CELSR1: variants seen among roughly 807,000 people sequenced by gnomAD.
CELSR1 encodes cadherin EGF LAG seven-pass G-type receptor 1.
CELSR1 carries 110 observed loss-of-function variants against 249.1 expected under a neutral mutation model. The observed-to-expected ratio is 0.44, with a 90% CI of 0.38 to 0.52. CELSR1 has a LOEUF of 0.52. Among genes scored for constraint, CELSR1 ranks in the 20% least tolerant of loss-of-function variants. The pLI, the probability that CELSR1 is intolerant of heterozygous loss-of-function variation, is 0.00. For missense variants in CELSR1, 4,109 were observed against 4,296.4 expected (o/e 0.96, Z 1.22); for synonymous variants, 2,113 against 1,900.0 (o/e 1.11, Z -2.92).
rs965722098 is a variant in CELSR1, at chr22:46,468,567, G to A, written c.3545-4222C>T. Among the ~76,000 whole-genome samples, 4 of 152,088 alleles carry A rather than the reference G, an allele frequency of 2.6e-5. No individual in the cohort carries two copies. Among genetic ancestry groups the A allele is most frequent in the Non-Finnish European group, 5.9e-5 (4 of 68,032 alleles). Reference sequence around the variant, plus strand: ...TCCCTAGAGGAGTTCGATTCATAGAGGCAGAAAGTAGAATGATGGGTGCCA... The same window carrying A: ...TCCCTAGAGGAGTTCGATTCATAGAAGCAGAAAGTAGAATGATGGGTGCCA... On this transcript the variant is annotated intron_variant, in intron 1 of 34. Transcript: ENST00000674500. This position sits in a 1 kb window ranked among gnomAD's most constrained non-coding sequence, Gnocchi z 4.5.
rs1008469258 is a variant in CELSR1, at chr22:46,500,300, C to T, written c.3544+33327G>A. Among the ~76,000 whole-genome samples the T allele has an allele frequency of 3.3e-5, 5 of 152,186 alleles. No homozygotes were observed. The highest frequency in any genetic ancestry group is 2.9e-5 in the Non-Finnish European group (2 of 68,026). ...AACCCTGGCGCCCGGTTTTCAGCAC[C>T]GCGCTAGGTTTTAACTGCCTGCTGG... On this transcript the variant is annotated intron_variant, in intron 1 of 34. Transcript: ENST00000674500. The surrounding 1 kb of genome is among the most constrained non-coding windows in gnomAD (Gnocchi z 4.9).
Position 46,473,178 on chromosome 22 carries a change from G to A in CELSR1, c.3545-8833C>T, listed in dbSNP as rs1007419505. On this transcript the variant is annotated intron_variant, in intron 1 of 34. Transcript: ENST00000674500. The surrounding 1 kb of genome is among the most constrained non-coding windows in gnomAD (Gnocchi z 6.6). ...CCGCAGAGGGGTGGACAGGACCCAC[G>A]CACCACGAGGAACCATCGCTGGCCC... 2.0e-5 allele frequency among the ~76,000 whole-genome samples: 3 copies of A among 152,142 alleles called. No individual in the cohort carries two copies. The highest frequency in any genetic ancestry group is 1.9e-4 in the East Asian group (1 of 5,190).
intron 2 of CELSR1, among the ~76,000 whole-genome samples, chr22:46,461,704 T>C (rs1350734059): frequency 6.6e-6 from 1 of 152,122 alleles, no homozygotes; most frequent in African/African-American, 2.4e-5. Flanking sequence ...TGGTATACAG[T>C]AGGTACTATC....
intron 25 of CELSR1, chr22:46,370,251 T>C (rs2078837295): frequency 2.4e-6 from 1 of 415,770 alleles, no homozygotes; most frequent in Non-Finnish European, 4.9e-6. Context: ...CAGGGCCATA[T>C]GTGAGCGGGT....
rs2080869199 is a variant in CELSR1, at chr22:46,537,249, C to G, written c.-79G>C. 1 of 1,009,148 alleles carries G rather than the reference C, an allele frequency of 9.9e-7. No individual in the cohort carries two copies. The highest frequency in any genetic ancestry group is 4.5e-5 in the South Asian group (1 of 22,236). The allele number at this position is 1,009,148 out of a possible 1,614,324, so 62.5% of individuals were successfully genotyped here. ...GCGCCTCCGCATCCACCCGGCGAGGCCGGGGAGCGGCTCCCGGGCGCCCGG... is the reference window on the plus strand; with the variant it reads ...GCGCCTCCGCATCCACCCGGCGAGGGCGGGGAGCGGCTCCCGGGCGCCCGG... On this transcript the variant is annotated 5_prime_UTR_variant, in exon 1 of 35. Transcript: ENST00000674500. The surrounding 1 kb of genome is among the most constrained non-coding windows in gnomAD (Gnocchi z 5.8).
chr22:46,519,926 C>T (rs2080668151), intron 1 of CELSR1, among the ~76,000 whole-genome samples: 1 of 148,252 alleles, frequency 6.7e-6, no homozygotes, highest in African/African-American at 2.5e-5. Context: ...GGCTGGAGTG[C>T]AGTGGCGCAA....
intron 1 of CELSR1, among the ~76,000 whole-genome samples, chr22:46,466,050 A>AGGCTACTCAGTTCTGTG (rs1423510253): frequency 6.6e-6 from 1 of 152,160 alleles, no homozygotes; most frequent in Middle Eastern, 3.2e-3. Context: ...GAGCCCTTCG[A>AGGCTACTCAGTTCTGTG]GGCTACTCAG....
rs780507988 is a variant in CELSR1 at position 46,409,914 on chromosome 22, C to T, written c.4934-34G>A. 10 of 1,605,648 alleles carry T rather than the reference C, an allele frequency of 6.2e-6. No individual in the cohort carries two copies. The highest frequency in any genetic ancestry group is 1.1e-5 in the South Asian group (1 of 91,028). On this transcript the variant is annotated intron_variant, in intron 7 of 34. Coordinates refer to ENST00000674500, the MANE Select transcript of CELSR1 (RefSeq NM_001378328.1). The surrounding 1 kb of genome is among the most constrained non-coding windows in gnomAD (Gnocchi z 9.8). The stretch of plus-strand genomic sequence containing the variant: ...ACAGAGCGTGCGGCAGAGCCTGACT[C>T]GGAGGAACCGCCCGGGGTCCCCGGC...
At chr22:46,414,942 C>T (rs2079381999) in intron 5 of CELSR1, among the ~76,000 whole-genome samples, 1 of 152,146 alleles carries the variant, frequency 6.6e-6, no homozygotes, top group Non-Finnish European at 1.5e-5. Flanking sequence ...TCGCAGCCAC[C>T]GAAAGGCACG....
rs1222546329 is a variant in CELSR1, at chr22:46,446,914, G to C, written c.4184-7503C>G. On this transcript the variant is annotated intron_variant, in intron 2 of 34. Coordinates refer to ENST00000674500, the MANE Select transcript of CELSR1 (RefSeq NM_001378328.1). This position sits in a 1 kb window ranked among gnomAD's most constrained non-coding sequence, Gnocchi z 5.5. ...AAGGTCCTGTCCCTGTGTTCCTTAG[G>C]GCTGACTCCTAGCACAGAGCCAATT... 1.3e-5 allele frequency among the ~76,000 whole-genome samples: 2 copies of C among 152,044 alleles called. No individual in the cohort carries two copies. Among genetic ancestry groups the C allele is most frequent in the African/African-American group, 4.8e-5 (2 of 41,384 alleles).
At chr22:46,373,883 T>C (rs1314421719) in intron 24 of CELSR1, among the ~76,000 whole-genome samples, 1 of 151,800 alleles carries the variant, frequency 6.6e-6, no homozygotes, top group South Asian at 2.1e-4. Flanking sequence ...CACAGAAGCG[T>C]AGGAGGAGAA....
chr22:46,503,360 C>G (rs1224579829), intron 1 of CELSR1, among the ~76,000 whole-genome samples: 1 of 152,238 alleles, frequency 6.6e-6, no homozygotes, highest in African/African-American at 2.4e-5. Flanking sequence ...AGGACGGGAG[C>G]CACACCTGTA....
intron 1 of CELSR1, among the ~76,000 whole-genome samples, chr22:46,480,754 C>A (rs976446812): frequency 6.8e-6 from 1 of 147,856 alleles, no homozygotes; most frequent in African/African-American, 2.5e-5. Flanking sequence ...ACTGCCAGGA[C>A]AAGCACTGGC....
chr22:46,456,341 T>C (rs1028128596), intron 2 of CELSR1, among the ~76,000 whole-genome samples: 4 of 151,912 alleles, frequency 2.6e-5, no homozygotes, highest in Admixed American at 1.3e-4. Flanking sequence ...CACATGAAGA[T>C]GGAAAGCCCA....
intron 1 of CELSR1, among the ~76,000 whole-genome samples, chr22:46,475,603 A>G (rs1411565534): frequency 6.7e-6 from 1 of 149,600 alleles, no homozygotes; most frequent in Non-Finnish European, 1.5e-5. Flanking sequence ...ACACTTAAAA[A>G]TGGCCAAGAT....
At chr22:46,435,283 T>A (rs2079645867) in intron 4 of CELSR1, among the ~76,000 whole-genome samples, 1 of 127,774 alleles carries the variant, frequency 7.8e-6, no homozygotes, top group Admixed American at 7.5e-5. Context: ...AAAAAAATTT[T>A]TTTTTTTTTT....
intron 31 of CELSR1, 40 bp downstream of exon 31, chr22:46,365,546 A>G: frequency 6.4e-7 from 1 of 1,555,668 alleles, no homozygotes; most frequent in Admixed American, 1.9e-5. Context: ...GACGTGGGAA[A>G]AACAACCCAC....
chr22:46,506,346 G>C lies in CELSR1; in HGVS notation c.3544+27281C>G, dbSNP rs1382474306. ...GCAGCAGAGCCCCGCAGGCCCTGTT[G>C]GGGTTTGGGGAGGCCCCACCTCCCT... On this transcript the variant is annotated intron_variant, in intron 1 of 34. Transcript: ENST00000674500. The surrounding 1 kb of genome is among the most constrained non-coding windows in gnomAD (Gnocchi z 4.1). Among the ~76,000 whole-genome samples, 1 of 152,118 alleles carries C rather than the reference G, an allele frequency of 6.6e-6. No homozygotes were observed. The highest frequency in any genetic ancestry group is 1.5e-5 in the Non-Finnish European group (1 of 68,014).
rs537058787 is a variant in CELSR1, at chr22:46,536,511, C to G, written c.660G>C (p.Pro220=). ...ASPSPSPPLP[P]NLPEARAGPA... The stretch of plus-strand genomic sequence containing the variant: ...GCCCCGCCCGGGCTTCGGGCAAGTT[C>G]GGCGGCAGGGGCGGCGATGGGGATG... The change falls in exon 1 of 35, where the codon CCG becomes CCC. Residue 220 remains proline (P), a synonymous_variant. Coordinates refer to ENST00000674500, the MANE Select transcript of CELSR1 (RefSeq NM_001378328.1). The G allele has an allele frequency of 6.6e-7, 1 of 1,516,536 alleles. No homozygotes were observed. The highest frequency in any genetic ancestry group is 2.6e-5 in the East Asian group (1 of 38,184). 93.9% of individuals were successfully genotyped at this position (1,516,536 alleles called of 1,614,324 possible).
Sources: allele counts gnomAD v4.1 joint callset (sites outside exome capture counted in the v4.1 genomes callset), GRCh38; gene constraint gnomAD v4.1.1; non-coding constraint Gnocchi (gnomAD v3.1); transcripts MANE v1.5; gene names NCBI Gene and HGNC (gene_info 2026-07-23, HGNC 2026-07-21).